HMCN1: variants seen among roughly 807,000 people sequenced by gnomAD.
HMCN1 encodes hemicentin-1.
A neutral mutation model predicts 625.9 loss-of-function variants in HMCN1; 321 were observed. The observed-to-expected ratio is 0.51, with a 90% confidence interval of 0.47 to 0.56. The LOEUF (loss-of-function observed/expected upper bound fraction) is 0.56, where lower values mean the gene tolerates loss of function less well. Ranked by LOEUF, HMCN1 falls within the 20% of genes least tolerant of loss-of-function variation. The pLI is 0.00. For missense variants in HMCN1, 6,588 were observed against 6,887.3 expected, an observed-to-expected ratio of 0.96 and a Z score of 1.54; for synonymous variants, 2,425 against 2,417.6, an observed-to-expected ratio of 1.00 and a Z score of -0.09.
rs757117135 is a variant in HMCN1 at position 186,070,776 on chromosome 1, C to A, written c.8139+19C>A. On this transcript the variant is annotated intron_variant, in intron 52 of 106. Coordinates refer to ENST00000271588, the MANE Select transcript of HMCN1 (RefSeq NM_031935.3). ...TGGACAGGCCAGTCACAACTTTTTT[C>A]ATTTGCTGATGATTTCTTAAAGACT... The A allele has an allele frequency of 6.2e-7, 1 of 1,612,840 alleles. No individual in the cohort carries two copies. Among genetic ancestry groups the A allele is most frequent in the East Asian group, 2.2e-5 (1 of 44,790 alleles).
At position 185,831,442 on chromosome 1, in the gene HMCN1, C is replaced by G. The variant is rs531097968; in HGVS notation, c.269-14584C>G. 2.6e-5 allele frequency among the ~76,000 whole-genome samples: 4 copies of G among 152,208 alleles called. No homozygotes were observed. In the South Asian group the frequency reaches 8.3e-4, roughly 32 times the overall value. ...TTTCAATCTCAAATCCAGTATCATC[C>G]TTAGCGGGGAAACACTAGAAGCACT... On this transcript the variant is annotated intron_variant, in intron 1 of 106. Coordinates refer to ENST00000271588, the MANE Select transcript of HMCN1 (RefSeq NM_031935.3).
chr1:186,124,263 AAC>A (rs1661536829), intron 81 of HMCN1, among the ~76,000 whole-genome samples: 1 of 152,082 alleles, frequency 6.6e-6, no homozygotes, highest in South Asian at 2.1e-4. Context: ...GACAACTTTA[AAC>A]ACTCTTCTAG....
At chr1:185,997,762 C>T (rs1353222000) in intron 25 of HMCN1, among the ~76,000 whole-genome samples, 1 of 150,892 alleles carries the variant, frequency 6.6e-6, no homozygotes, top group Non-Finnish European at 1.5e-5. Context: ...CTTGCCTAGT[C>T]TCACATGTTT....
chr1:185,837,466 T>C (rs1468393209), intron 1 of HMCN1, among the ~76,000 whole-genome samples: 1 of 152,044 alleles, frequency 6.6e-6, no homozygotes, highest in Admixed American at 6.5e-5. Flanking sequence ...TTGAACAATC[T>C]CTTCAGATAT....
chr1:185,882,775 C>T (rs919027473), intron 4 of HMCN1, among the ~76,000 whole-genome samples: 2 of 152,020 alleles, frequency 1.3e-5, no homozygotes, highest in Non-Finnish European at 2.9e-5. Flanking sequence ...ATGTATTCAA[C>T]TCTTCAAAGA....
At position 186,094,340 on chromosome 1, in the gene HMCN1, G is replaced by T. The variant is rs746936218; in HGVS notation, c.10261G>T (p.Val3421Leu). The T allele has an allele frequency of 1.2e-6, 2 of 1,613,116 alleles. No individual in the cohort carries two copies. Among genetic ancestry groups the T allele is most frequent in the East Asian group, 4.5e-5 (2 of 44,820 alleles). ...YTCVASNRAGVDNKHYNLQVF... is the reference protein window; with the variant it reads ...YTCVASNRAGLDNKHYNLQVF... ...TTGTGTGGCCTCCAACAGAGCTGGGGTGGATAATAAGCATTACAATCTTCA... is the reference window on the plus strand; with the variant it reads ...TTGTGTGGCCTCCAACAGAGCTGGGTTGGATAATAAGCATTACAATCTTCA... Residue 3421 changes from valine (V) to leucine (L), a missense_variant, in exon 67 of 107, where the codon GTG becomes TTG. Transcript: ENST00000271588.
intron 1 of HMCN1, among the ~76,000 whole-genome samples, chr1:185,824,647 T>C (rs1027637872): frequency 2.0e-5 from 3 of 152,150 alleles, no homozygotes; most frequent in African/African-American, 7.2e-5. Flanking sequence ...GGGGCTCACT[T>C]TTATTGCATG....
At chr1:186,137,714 C>G (rs769883044) in intron 88 of HMCN1, 46 bp downstream of exon 88, 20 of 1,613,744 alleles carry the variant, frequency 1.2e-5, no homozygotes, top group Non-Finnish European at 1.6e-5. Context: ...AATAGACCTT[C>G]ATTTCTGTCT....
At chr1:186,085,768 A>G (rs1659442086) in intron 57 of HMCN1, among the ~76,000 whole-genome samples, 1 of 152,082 alleles carries the variant, frequency 6.6e-6, no homozygotes, top group African/African-American at 2.4e-5. Flanking sequence ...AGAGAAATGC[A>G]TTGCTCTACC....
intron 52 of HMCN1, among the ~76,000 whole-genome samples, chr1:186,071,411 C>A (rs1385956609): frequency 2.0e-5 from 3 of 152,118 alleles, no homozygotes; most frequent in Non-Finnish European, 2.9e-5. Flanking sequence ...GACCACATAT[C>A]CATATTTCTC....
At chr1:185,956,055 C>T (rs1173668021) in intron 11 of HMCN1, among the ~76,000 whole-genome samples, 1 of 152,152 alleles carries the variant, frequency 6.6e-6, no homozygotes, top group Non-Finnish European at 1.5e-5. Context: ...AAATTTTGCA[C>T]TTAATCACGT....
At chr1:185,839,616 G>A (rs1661363512) in intron 1 of HMCN1, among the ~76,000 whole-genome samples, 1 of 152,100 alleles carries the variant, frequency 6.6e-6, no homozygotes, top group Non-Finnish European at 1.5e-5. Flanking sequence ...GCTTTCTGCT[G>A]CTCTGGCCAA....
At chr1:186,131,003 T>C (rs1335056340) in intron 85 of HMCN1, among the ~76,000 whole-genome samples, 1 of 152,164 alleles carries the variant, frequency 6.6e-6, no homozygotes, top group African/African-American at 2.4e-5. Flanking sequence ...CAGTTACATA[T>C]AAATTATAGA....
At chr1:185,926,269 C>T (rs1667272192) in intron 9 of HMCN1, among the ~76,000 whole-genome samples, 2 of 152,082 alleles carry the variant, frequency 1.3e-5, no homozygotes, top group Non-Finnish European at 2.9e-5. Context: ...TATACAATCG[C>T]TTTATGGGGA....
intron 1 of HMCN1, among the ~76,000 whole-genome samples, chr1:185,775,828 G>A (rs190062747): frequency 4.6e-5 from 7 of 152,268 alleles, no homozygotes; most frequent in South Asian, 4.1e-4. Flanking sequence ...ATTCATTGGG[G>A]GAGTTATTGG....
At chr1:186,145,082 A>G (rs564148113) in intron 91 of HMCN1, among the ~76,000 whole-genome samples, 11 of 152,368 alleles carry the variant, frequency 7.2e-5, no homozygotes, top group Admixed American at 2.6e-4. Context: ...TCTGAGTTAC[A>G]TTGTATCCTG....
chr1:186,109,384 T>C (rs995381626), intron 71 of HMCN1, among the ~76,000 whole-genome samples: 11 of 152,148 alleles, frequency 7.2e-5, no homozygotes, highest in Non-Finnish European at 1.5e-4. Context: ...TAAATCATCA[T>C]GCATATCACT....
intron 34 of HMCN1, 32 bp downstream of exon 34, chr1:186,018,384 C>T (rs1558148294): frequency 6.3e-7 from 1 of 1,586,520 alleles, no homozygotes. Flanking sequence ...AACTTTGCAT[C>T]TTAAATTAAT....
Position 186,020,960 on chromosome 1 carries a change from G to A in HMCN1, c.5625+1265G>A, listed in dbSNP as rs764134285. 9.1e-4 allele frequency among the ~76,000 whole-genome samples: 139 copies of A among 152,200 alleles called. 1 individual carries two copies. The highest frequency in any genetic ancestry group is 1.5e-3 in the Non-Finnish European group (105 of 67,984). On this transcript the variant is annotated intron_variant, in intron 35 of 106. Coordinates refer to ENST00000271588, the MANE Select transcript of HMCN1 (RefSeq NM_031935.3). ...ATGAGAGACCTTTGAAGAGTTTTAA[G>A]AGAGGAGTAACATGATCAGGTTTGC...
Sources: gnomAD v4.1 joint callset for allele counts (sites outside exome capture counted in the v4.1 genomes callset) on GRCh38, gnomAD v4.1.1 for gene constraint, MANE v1.5 for transcripts, NCBI Gene and HGNC (gene_info 2026-07-23, HGNC 2026-07-21) for gene names.